KCNQ5: variants seen among roughly 807,000 people sequenced by gnomAD.
The protein encoded by KCNQ5 is potassium voltage-gated channel subfamily Q member 5, also known as potassium voltage-gated channel subfamily KQT member 5.
Under a neutral mutation model 98.2 loss-of-function variants are expected in KCNQ5, and 30 were observed. The observed-to-expected ratio is 0.31, with a 90% CI of 0.23 to 0.41. The LOEUF is 0.41. Among genes scored for constraint, KCNQ5 ranks in the 10% least tolerant of loss-of-function variants. The pLI is 1.00. For synonymous variants in KCNQ5, 458 were observed against 449.4 expected (o/e 1.02, Z -0.24); for missense variants, 835 against 1,182.5 (o/e 0.71, Z 4.31).
chr6:72,955,517 T>C (rs1766998307), intron 1 of KCNQ5, among the ~76,000 whole-genome samples: 1 of 152,230 alleles, frequency 6.6e-6, no homozygotes, highest in African/African-American at 2.4e-5. Context: ...ATTATAACTA[T>C]AAGTAGGAAC....
At position 73,197,375 on chromosome 6, in the gene KCNQ5, G is replaced by C. The variant is rs1336479996; in HGVS notation, c.*1961G>C. Reference sequence around the variant, plus strand: ...TCTTCGCATCCCACTTGGATTCTAAGACAATTAGAATCATTTAGAATCTTT... The same window carrying C: ...TCTTCGCATCCCACTTGGATTCTAACACAATTAGAATCATTTAGAATCTTT... On this transcript the variant is annotated 3_prime_UTR_variant, in exon 14 of 14. Transcript: ENST00000370398. The C allele has an allele frequency of 1.3e-5, 2 of 152,044 alleles. No individual in the cohort carries two copies. Among genetic ancestry groups the C allele is most frequent in the Admixed American group, 1.3e-4 (2 of 15,264 alleles). The allele number at this position is 152,044 out of a possible 1,614,324, so 9.4% of individuals were successfully genotyped here. A position where few individuals can be genotyped will look rare whatever the true frequency, so the allele number is the denominator to read the frequency against.
chr6:72,702,713 A>G (rs1461952150), intron 1 of KCNQ5, among the ~76,000 whole-genome samples: 1 of 152,194 alleles, frequency 6.6e-6, no homozygotes, highest in African/African-American at 2.4e-5. Flanking sequence ...CTAATTGCCA[A>G]GTAGTTTACA....
At chr6:73,030,231 C>T (rs768806569) in intron 2 of KCNQ5, among the ~76,000 whole-genome samples, 9 of 152,042 alleles carry the variant, frequency 5.9e-5, no homozygotes, top group South Asian at 2.1e-4. Flanking sequence ...TAGTTAACTT[C>T]TTTATGTTTA....
At chr6:73,141,691 C>T (rs1031959889) in intron 10 of KCNQ5, among the ~76,000 whole-genome samples, 1 of 152,220 alleles carries the variant, frequency 6.6e-6, no homozygotes, top group African/African-American at 2.4e-5. Flanking sequence ...GCTGCCTTAA[C>T]CATACCTTTT....
intron 1 of KCNQ5, among the ~76,000 whole-genome samples, chr6:72,649,991 C>A (rs999002353): frequency 1.3e-5 from 2 of 151,924 alleles, no homozygotes; most frequent in African/African-American, 2.4e-5. Context: ...TTTTTCTGAC[C>A]ATTACATATT....
intron 2 of KCNQ5, among the ~76,000 whole-genome samples, chr6:73,023,169 C>T (rs779591611): frequency 6.6e-6 from 1 of 152,128 alleles, no homozygotes; most frequent in African/African-American, 2.4e-5. Flanking sequence ...AAACTGAATT[C>T]ATAGAACATT....
At chr6:73,001,270 A>G (rs1349080687) in intron 1 of KCNQ5, among the ~76,000 whole-genome samples, 1 of 152,104 alleles carries the variant, frequency 6.6e-6, no homozygotes, top group Non-Finnish European at 1.5e-5. Context: ...CAATGTGTTC[A>G]CTTTGCCCAC....
intron 1 of KCNQ5, among the ~76,000 whole-genome samples, chr6:72,639,750 T>C (rs573067721): frequency 2.6e-5 from 4 of 152,088 alleles, no homozygotes; most frequent in African/African-American, 9.6e-5. Flanking sequence ...GGGTGCATAA[T>C]TGATAAATAA....
At chr6:72,777,076 G>A (rs1186177058) in intron 1 of KCNQ5, among the ~76,000 whole-genome samples, 1 of 152,234 alleles carries the variant, frequency 6.6e-6, no homozygotes, top group Non-Finnish European at 1.5e-5. Context: ...AGGAACTGCA[G>A]AATAGTGTAA....
At chr6:73,152,319 C>T (rs561449250) in intron 10 of KCNQ5, among the ~76,000 whole-genome samples, 3 of 152,076 alleles carry the variant, frequency 2.0e-5, no homozygotes, top group East Asian at 1.9e-4. Context: ...ATACTGGCCC[C>T]GATTTTCTTA....
intron 1 of KCNQ5, among the ~76,000 whole-genome samples, chr6:72,691,883 G>T: frequency 6.6e-6 from 1 of 152,188 alleles, no homozygotes; most frequent in African/African-American, 2.4e-5. Flanking sequence ...GGATTTTCAA[G>T]CATAAATATT....
intron 1 of KCNQ5, among the ~76,000 whole-genome samples, chr6:72,997,578 A>C (rs1388759716): frequency 1.3e-5 from 2 of 151,402 alleles, no homozygotes; most frequent in Admixed American, 1.3e-4. Context: ...GATCGAGACC[A>C]TCCTGGCTAA....
intron 1 of KCNQ5, among the ~76,000 whole-genome samples, chr6:72,793,553 T>A (rs1582301892): frequency 2.0e-5 from 3 of 152,232 alleles, no homozygotes; most frequent in African/African-American, 7.2e-5. Flanking sequence ...CCTTATATTA[T>A]GGGGGAGTTG....
intron 1 of KCNQ5, among the ~76,000 whole-genome samples, chr6:72,659,638 G>A (rs1414869892): frequency 1.3e-5 from 2 of 151,778 alleles, no homozygotes; most frequent in East Asian, 3.9e-4. Context: ...GGAATGGAAG[G>A]GCAAAAAAGG....
chr6:73,051,705 C>CAAA (rs201199934), intron 3 of KCNQ5, among the ~76,000 whole-genome samples: 8 of 97,174 alleles, frequency 8.2e-5, no homozygotes, highest in African/African-American at 3.3e-4. Flanking sequence ...AAGATAGAGG[C>CAAA]AAAAAAAAAA....
Position 72,801,251 on chromosome 6 carries a change from G to T in KCNQ5, c.398+178664G>T, listed in dbSNP as rs887215341. ...TGTTAAAGTCTCCCATTATTATTGTGTGGGAGTCTAAGTCTCTTTGTAGGT... is the reference window on the plus strand; with the variant it reads ...TGTTAAAGTCTCCCATTATTATTGTTTGGGAGTCTAAGTCTCTTTGTAGGT... On this transcript the variant is annotated intron_variant, in intron 1 of 13. Transcript: ENST00000370398. 2.1e-3 allele frequency among the ~76,000 whole-genome samples: 306 copies of T among 148,672 alleles called. 4 individuals are homozygous for T. The highest frequency in any genetic ancestry group is 7.4e-3 in the African/African-American group (293 of 39,574).
At chr6:72,771,663 T>TGTGTGC (rs926833763) in intron 1 of KCNQ5, among the ~76,000 whole-genome samples, 1 of 151,556 alleles carries the variant, frequency 6.6e-6, no homozygotes, top group African/African-American at 2.4e-5. Context: ...TGTGTGTGTG[T>TGTGTGC]GTGTGTGTGT....
intron 10 of KCNQ5, among the ~76,000 whole-genome samples, chr6:73,141,109 T>G (rs961501130): frequency 1.3e-5 from 2 of 152,188 alleles, no homozygotes; most frequent in African/African-American, 4.8e-5. Context: ...CAACAAATAT[T>G]TACTTCTCAC....
chr6:72,926,850 C>A (rs1359442291), intron 1 of KCNQ5, among the ~76,000 whole-genome samples: 4 of 152,116 alleles, frequency 2.6e-5, no homozygotes, highest in Non-Finnish European at 4.4e-5. Flanking sequence ...GTTGAAAATT[C>A]TCTCTCAGTA....
Sources: gnomAD v4.1 joint callset for allele counts (sites outside exome capture counted in the v4.1 genomes callset) on GRCh38, gnomAD v4.1.1 for gene constraint, MANE v1.5 for transcripts, NCBI Gene and HGNC (gene_info 2026-07-23, HGNC 2026-07-21) for gene names.